Variants in ACYP2 observed in about 807,000 individuals in gnomAD.
ACYP2 encodes acylphosphatase-2.
ACYP2 carries 12 observed loss-of-function variants against 11.2 expected under a neutral mutation model. The ratio of observed to expected loss-of-function variants is 1.08; its 90% CI spans 0.69 to 1.74. The LOEUF (loss-of-function observed/expected upper bound fraction) is 1.74. Ranked by LOEUF, ACYP2 falls within the 40% of genes most tolerant of loss-of-function variation. The pLI is 0.00. For synonymous variants in ACYP2, 43 were observed against 32.2 expected (o/e 1.33, Z -1.13); for missense variants, 134 against 101.9 (o/e 1.31, Z -1.35).
intron 5 of ACYP2, among the ~76,000 whole-genome samples, chr2:54,136,213 T>A (rs1026664570): frequency 6.6e-6 from 1 of 152,116 alleles, no homozygotes; most frequent in Non-Finnish European, 1.5e-5. Context: ...TAATTTTTTT[T>A]AACTTTTAGT....
intron 2 of ACYP2, among the ~76,000 whole-genome samples, chr2:53,994,912 G>T (rs1013784647): frequency 1.3e-5 from 2 of 152,114 alleles, no homozygotes; most frequent in Non-Finnish European, 2.9e-5. Flanking sequence ...GTGTAAGATG[G>T]TCTGTCATGT....
At chr2:54,157,046 T>C (rs1314934121) in intron 6 of ACYP2, among the ~76,000 whole-genome samples, 1 of 152,156 alleles carries the variant, frequency 6.6e-6, no homozygotes, top group Admixed American at 6.5e-5. Context: ...TATTTTAGTT[T>C]ACCAGTACAA....
chr2:54,028,535 T>C (rs748131555), intron 2 of ACYP2, among the ~76,000 whole-genome samples: 1 of 152,230 alleles, frequency 6.6e-6, no homozygotes, highest in Non-Finnish European at 1.5e-5. Flanking sequence ...AAAATAGTTA[T>C]TTCTGGTACC....
intron 4 of ACYP2, among the ~76,000 whole-genome samples, chr2:54,117,666 A>G (rs1359170491): frequency 8.5e-5 from 13 of 152,198 alleles, no homozygotes. Flanking sequence ...TTATCCTTGT[A>G]TTTGGTACTC....
intron 4 of ACYP2, among the ~76,000 whole-genome samples, chr2:54,088,151 G>GCA (rs1678036739): frequency 6.6e-6 from 1 of 152,194 alleles, no homozygotes; most frequent in Non-Finnish European, 1.5e-5. Context: ...AACTCTTCTA[G>GCA]TGGAGCCAAA....
chr2:54,279,370 C>T (rs1688746942), intron 6 of ACYP2, among the ~76,000 whole-genome samples: 1 of 152,166 alleles, frequency 6.6e-6, no homozygotes, highest in Non-Finnish European at 1.5e-5. Flanking sequence ...GACCACAAGC[C>T]TACCACATAT....
intron 4 of ACYP2, among the ~76,000 whole-genome samples, chr2:54,094,264 G>C (rs538081440): frequency 6.7e-6 from 1 of 149,878 alleles, no homozygotes; most frequent in Non-Finnish European, 1.5e-5. Context: ...GTCTTACTCT[G>C]TTGCCCAGGC....
At chr2:54,094,352 C>A (rs369283847) in intron 4 of ACYP2, among the ~76,000 whole-genome samples, 15 of 151,836 alleles carry the variant, frequency 9.9e-5, no homozygotes, top group South Asian at 6.2e-4. Context: ...CTCAGCCTAC[C>A]AAATAGCTTG....
intron 2 of ACYP2, among the ~76,000 whole-genome samples, chr2:54,046,997 G>A (rs1014503682): frequency 1.3e-5 from 2 of 152,150 alleles, no homozygotes; most frequent in African/African-American, 2.4e-5. Flanking sequence ...TAAGGCTGTT[G>A]TGAAGACTAA....
At chr2:54,019,408 A>G (rs888484855) in intron 2 of ACYP2, among the ~76,000 whole-genome samples, 1 of 147,202 alleles carries the variant, frequency 6.8e-6, no homozygotes, top group African/African-American at 2.5e-5. Flanking sequence ...ACACAGTCTC[A>G]CTCTGTCACT....
chr2:54,006,622 A>G (rs1344189109), intron 2 of ACYP2, among the ~76,000 whole-genome samples: 2 of 151,860 alleles, frequency 1.3e-5, no homozygotes, highest in African/African-American at 4.8e-5. Context: ...TTCTTCTTAG[A>G]TTTGTTTATT....
intron 6 of ACYP2, among the ~76,000 whole-genome samples, chr2:54,216,111 A>G (rs1008641959): frequency 3.3e-5 from 5 of 152,176 alleles, no homozygotes; most frequent in Admixed American, 2.0e-4. Flanking sequence ...ATTTTTTCTA[A>G]AAAACTTTGT....
chr2:54,163,778 C>T (rs1411076594), intron 6 of ACYP2, among the ~76,000 whole-genome samples: 1 of 152,036 alleles, frequency 6.6e-6, no homozygotes. Context: ...ATCGCTTGAA[C>T]CCAGGAGACA....
chr2:54,169,125 A>G (rs1257947683), intron 6 of ACYP2, among the ~76,000 whole-genome samples: 1 of 152,136 alleles, frequency 6.6e-6, no homozygotes, highest in Admixed American at 6.6e-5. Flanking sequence ...CTTTTTCCCC[A>G]CAGAATGGAA....
At chr2:54,165,086 A>T (rs1283814248) in intron 6 of ACYP2, among the ~76,000 whole-genome samples, 2 of 151,994 alleles carry the variant, frequency 1.3e-5, no homozygotes, top group Non-Finnish European at 2.9e-5. Flanking sequence ...TATATGTGCT[A>T]TATTTTTTTT....
At position 54,305,231 on chromosome 2, in the gene ACYP2, G is replaced by C. The variant is rs1033444499; in HGVS notation, c.*429G>C. 8 of 152,692 alleles carry C rather than the reference G, an allele frequency of 5.2e-5. No homozygotes were observed. Among genetic ancestry groups the C allele is most frequent in the Admixed American group, 5.2e-4 (8 of 15,338 alleles). 9.5% of individuals were successfully genotyped at this position (152,692 alleles called of 1,614,324 possible). On this transcript the variant is annotated 3_prime_UTR_variant, in exon 7 of 7. Transcript: ENST00000607452. ...TATTTGTTATTAAACTCTTCAAAAA[G>C]AACCAGTGATTAGAAATAAATGTGA...
intron 2 of ACYP2, among the ~76,000 whole-genome samples, chr2:53,979,740 G>A (rs1322878170): frequency 6.6e-6 from 1 of 151,924 alleles, no homozygotes; most frequent in Non-Finnish European, 1.5e-5. Flanking sequence ...CTCACTCTGT[G>A]GCTCAGGCTA....
At chr2:54,182,765 G>A (rs1183276579) in intron 6 of ACYP2, among the ~76,000 whole-genome samples, 1 of 152,142 alleles carries the variant, frequency 6.6e-6, no homozygotes, top group African/African-American at 2.4e-5. Context: ...AGAACAGTTT[G>A]TTTAACCAAG....
intron 6 of ACYP2, among the ~76,000 whole-genome samples, chr2:54,217,051 G>T: frequency 6.6e-6 from 1 of 151,538 alleles, no homozygotes; most frequent in African/African-American, 2.4e-5. Flanking sequence ...TATTTCCTTA[G>T]GTTTCCCGTA....
Sources: gnomAD v4.1 joint callset for allele counts (sites outside exome capture counted in the v4.1 genomes callset) on GRCh38, gnomAD v4.1.1 for gene constraint, MANE v1.5 for transcripts, NCBI Gene and HGNC (gene_info 2026-07-23, HGNC 2026-07-21) for gene names.